CATSPERB: variants seen among roughly 807,000 people sequenced by gnomAD.
CATSPERB encodes the protein catsper channel auxiliary subunit beta, also known as cation channel sperm-associated auxiliary subunit beta.
Under a neutral mutation model 128.3 loss-of-function variants are expected in CATSPERB, and 93 were observed. The ratio of observed to expected loss-of-function variants is 0.72; its 90% CI spans 0.61 to 0.86. The LOEUF is 0.86. CATSPERB is among the 40% of genes least tolerant of loss of function. The pLI is 0.00. For synonymous variants in CATSPERB, 381 were observed against 448.8 expected (o/e 0.85, Z 1.91); for missense variants, 1,153 against 1,329.5 (o/e 0.87, Z 2.06).
intron 17 of CATSPERB, among the ~76,000 whole-genome samples, chr14:91,628,254 A>G (rs1894205862): frequency 6.6e-6 from 1 of 152,188 alleles, no homozygotes; most frequent in South Asian, 2.1e-4. Flanking sequence ...CTACAGGCAC[A>G]CACCACTGCA....
chr14:91,674,651 T>C (rs1484506992), intron 11 of CATSPERB, among the ~76,000 whole-genome samples: 2 of 152,196 alleles, frequency 1.3e-5, no homozygotes, highest in African/African-American at 4.8e-5. Context: ...TTTCCCTCCC[T>C]TCCCACTCGA....
At chr14:91,639,674 C>G (rs1233859951) in intron 15 of CATSPERB, among the ~76,000 whole-genome samples, 2 of 152,186 alleles carry the variant, frequency 1.3e-5, no homozygotes, top group East Asian at 3.9e-4. Flanking sequence ...TTGAACCAAA[C>G]TGGGCGTCCT....
intron 5 of CATSPERB, among the ~76,000 whole-genome samples, chr14:91,715,647 T>C (rs577929165): frequency 9.9e-5 from 15 of 152,182 alleles, no homozygotes; most frequent in Admixed American, 3.9e-4. Flanking sequence ...TGCAGGATTT[T>C]TGTAGAAGTA....
At chr14:91,582,970 G>A (rs1893230963) in intron 26 of CATSPERB, among the ~76,000 whole-genome samples, 1 of 152,208 alleles carries the variant, frequency 6.6e-6, no homozygotes, top group Admixed American at 6.5e-5. Flanking sequence ...CCCAGGTGGA[G>A]GATGTCACCA....
intron 20 of CATSPERB, among the ~76,000 whole-genome samples, chr14:91,614,985 T>A: frequency 6.6e-6 from 1 of 152,178 alleles, no homozygotes. Flanking sequence ...ATTTACTCTC[T>A]TAGCAATTCT....
At chr14:91,652,071 A>G (rs1402615544) in intron 15 of CATSPERB, among the ~76,000 whole-genome samples, 2 of 152,206 alleles carry the variant, frequency 1.3e-5, no homozygotes, top group Non-Finnish European at 2.9e-5. Flanking sequence ...TGCTAACCAT[A>G]AAAGGAAAGA....
intron 22 of CATSPERB, among the ~76,000 whole-genome samples, chr14:91,608,020 C>A (rs933170820): frequency 1.3e-5 from 2 of 152,216 alleles, no homozygotes; most frequent in South Asian, 2.1e-4. Context: ...TCCTTTCATT[C>A]GAGAAAAGAT....
Position 91,627,648 on chromosome 14 carries a change from C to A in CATSPERB, c.1743-2641G>T, listed in dbSNP as rs1279972847. On this transcript the variant is annotated intron_variant, in intron 17 of 26. Transcript: ENST00000256343. ...GATAAGGGTTGTTTTGAGAAGGTTT[C>A]TTCTGTAAATTCTTTGTGTCTCTGG... 2.0e-5 allele frequency among the ~76,000 whole-genome samples: 3 copies of A among 152,114 alleles called. No homozygotes were observed. The East Asian group carries it at 5.8e-4, about 29-fold the overall frequency.
At position 91,669,944 on chromosome 14, in the gene CATSPERB, C is replaced by T. The variant is rs1411435801; in HGVS notation, c.1157G>A (p.Ser386Asn). ...ATTTGGTTCATTATTTCTCAGGGTG[C>T]TCACAGAGGCAATGGCAGTTTTCCT... ...KVRKTAIASV[S>N]TLRNNEPNSQ... Residue 386 changes from serine (S) to asparagine (N), a missense_variant, in exon 14 of 27, where the codon AGC becomes AAC. Transcript: ENST00000256343. 4 of 1,613,096 alleles carry T rather than the reference C, an allele frequency of 2.5e-6. No individual in the cohort carries two copies. The African/African-American group carries it at 4.0e-5, about 16-fold the overall frequency.
intron 22 of CATSPERB, among the ~76,000 whole-genome samples, chr14:91,598,102 A>G (rs1182534737): frequency 1.3e-5 from 2 of 151,696 alleles, no homozygotes; most frequent in Admixed American, 6.6e-5. Context: ...ACAACCAGTT[A>G]TTTTATTTTA....
At chr14:91,583,315 A>G (rs1352687514) in intron 26 of CATSPERB, among the ~76,000 whole-genome samples, 4 of 143,116 alleles carry the variant, frequency 2.8e-5, no homozygotes, top group African/African-American at 1.0e-4. Context: ...GCTACTCGGG[A>G]GGCTGAGGCA....
chr14:91,709,374 T>C (rs2139767980), intron 5 of CATSPERB: 1 of 151,972 alleles, frequency 6.6e-6, no homozygotes, highest in East Asian at 1.9e-4. Context: ...AGAACTTTCT[T>C]GAAGTTTTAG....
At chr14:91,618,790 A>G (rs566922824) in intron 19 of CATSPERB, among the ~76,000 whole-genome samples, 2 of 152,360 alleles carry the variant, frequency 1.3e-5, no homozygotes, top group Admixed American at 6.5e-5. Context: ...AGAGTTTATA[A>G]ACACCTGCAG....
At chr14:91,630,214 T>C (rs1301637017) in intron 17 of CATSPERB, among the ~76,000 whole-genome samples, 1 of 152,220 alleles carries the variant, frequency 6.6e-6, no homozygotes, top group Non-Finnish European at 1.5e-5. Context: ...CACATTTTCC[T>C]GTGTTTTTTC....
chr14:91,688,158 T>C (rs1211201555), intron 10 of CATSPERB, among the ~76,000 whole-genome samples: 2 of 152,170 alleles, frequency 1.3e-5, no homozygotes, highest in African/African-American at 4.8e-5. Flanking sequence ...TTTTCCTTAG[T>C]TGGGATAACC....
intron 22 of CATSPERB, among the ~76,000 whole-genome samples, chr14:91,602,623 T>C (rs969881269): frequency 6.6e-6 from 1 of 151,920 alleles, no homozygotes; most frequent in African/African-American, 2.4e-5. Context: ...TGGTTTTGAA[T>C]ATTTTGGTAA....
intron 17 of CATSPERB, among the ~76,000 whole-genome samples, chr14:91,630,801 A>G (rs1022510106): frequency 1.3e-5 from 2 of 152,244 alleles, no homozygotes; most frequent in Non-Finnish European, 2.9e-5. Flanking sequence ...AAATAATCCA[A>G]TAACATTCTC....
chr14:91,603,502 G>C (rs905479185), intron 22 of CATSPERB: 1 of 1,047,754 alleles, frequency 9.5e-7, no homozygotes, highest in African/African-American at 1.6e-5. Context: ...GCAAAACTCT[G>C]CAGCTGAAAT....
rs36175924 is a variant in CATSPERB at position 91,599,545 on chromosome 14, C to CAA, written c.2710-7545_2710-7544dup. The stretch of plus-strand genomic sequence containing the variant: ...CTGCACTCCAGCCTGGGCGGCAGAG[C>CAA]AAAAAAAAAAAAAAAGAAAGTTTAT... On this transcript the variant is annotated intron_variant, in intron 22 of 26. Coordinates refer to ENST00000256343, the MANE Select transcript of CATSPERB (RefSeq NM_024764.4). 4.7e-4 allele frequency among the ~76,000 whole-genome samples: 54 copies of CAA among 113,952 alleles called. 6 individuals carry two copies. Among genetic ancestry groups the CAA allele is most frequent in the East Asian group, 7.6e-4 (3 of 3,962 alleles). The allele number at this position is 113,952 out of a possible 152,430, so 74.8% of individuals were successfully genotyped here.
Sources: allele counts gnomAD v4.1 joint callset (sites outside exome capture counted in the v4.1 genomes callset), GRCh38; gene constraint gnomAD v4.1.1; transcripts MANE v1.5; gene names NCBI Gene and HGNC (gene_info 2026-07-23, HGNC 2026-07-21).